DPYD: variants seen among roughly 807,000 people sequenced by gnomAD.
The protein encoded by DPYD is dihydropyrimidine dehydrogenase [NADP(+)].
A neutral mutation model predicts 116.2 loss-of-function variants in DPYD; 109 were observed. The ratio of observed to expected loss-of-function variants is 0.94; its 90% CI spans 0.80 to 1.10. The LOEUF (loss-of-function observed/expected upper bound fraction) is 1.10. DPYD is among the 50% of genes least tolerant of loss of function. DPYD has a pLI of 0.00. For missense variants in DPYD, 1,302 were observed against 1,254.5 expected (o/e 1.04, Z -0.57); for synonymous variants, 440 against 432.0 (o/e 1.02, Z -0.23).
intron 20 of DPYD, 84 bp downstream of exon 20, chr1:97,192,985 T>G: frequency 2.8e-4 from 410 of 1,474,022 alleles, no homozygotes; most frequent in Non-Finnish European, 3.6e-4. Flanking sequence ...CCTTTGTTAG[T>G]GAGAATGTGA....
intron 11 of DPYD, among the ~76,000 whole-genome samples, chr1:97,560,647 C>T (rs1652079967): frequency 6.6e-6 from 1 of 151,680 alleles, no homozygotes; most frequent in South Asian, 2.1e-4. Context: ...GAGACCCATC[C>T]TTGTGTGTTG....
At position 97,816,317 on chromosome 1, in the gene DPYD, C is replaced by A. The variant is rs143687785; in HGVS notation, c.233+11797G>T. 2.4e-3 allele frequency among the ~76,000 whole-genome samples: 358 copies of A among 151,664 alleles called. 2 individuals carry two copies. The highest frequency in any genetic ancestry group is 8.3e-3 in the African/African-American group (345 of 41,432). ...AAAAAGAAAATACAAAAACAAAAAA[C>A]CCTCTTTGTAGACTACAAGAAAAGT... On this transcript the variant is annotated intron_variant, in intron 3 of 22. Coordinates refer to ENST00000370192, the MANE Select transcript of DPYD (RefSeq NM_000110.4).
At chr1:97,240,127 TC>T in intron 18 of DPYD, among the ~76,000 whole-genome samples, 1 of 152,026 alleles carries the variant, frequency 6.6e-6, no homozygotes, top group South Asian at 2.1e-4. Context: ...ACATGTCCCC[TC>T]CTTTTTCTCT....
chr1:97,363,967 G>T (rs943859395), intron 16 of DPYD, among the ~76,000 whole-genome samples: 1 of 151,972 alleles, frequency 6.6e-6, no homozygotes, highest in Non-Finnish European at 1.5e-5. Context: ...AAATGATAAT[G>T]ACCTCTAGTT....
At chr1:97,461,034 T>C (rs1320424588) in intron 13 of DPYD, among the ~76,000 whole-genome samples, 1 of 145,070 alleles carries the variant, frequency 6.9e-6, no homozygotes, top group Non-Finnish European at 1.5e-5. Context: ...TGAAACTCCA[T>C]CTGAAAAAAA....
rs577354850 is a variant in DPYD at position 97,476,091 on chromosome 1, C to T, written c.1741-25868G>A. Among the ~76,000 whole-genome samples the T allele has an allele frequency of 2.6e-5, 4 of 152,160 alleles. 1 individual carries two copies. The highest frequency in any genetic ancestry group is 5.9e-5 in the Non-Finnish European group (4 of 68,022). ...GTTTCCCTAAACTGACAGACTACATCAATCAGTCCCTTTCCTAGTGACCAT... is the reference window on the plus strand; with the variant it reads ...GTTTCCCTAAACTGACAGACTACATTAATCAGTCCCTTTCCTAGTGACCAT... On this transcript the variant is annotated intron_variant, in intron 13 of 22. Transcript: ENST00000370192.
chr1:97,168,136 G>A (rs189686755), intron 20 of DPYD, among the ~76,000 whole-genome samples: 37 of 152,152 alleles, frequency 2.4e-4, no homozygotes, highest in African/African-American at 8.2e-4. Flanking sequence ...TTTTTTAAGC[G>A]TGATATTCTC....
chr1:97,636,256 T>C (rs1004359844), intron 8 of DPYD, among the ~76,000 whole-genome samples: 2 of 152,288 alleles, frequency 1.3e-5, no homozygotes, highest in African/African-American at 4.8e-5. Context: ...AATATCAAAG[T>C]AATAATACCA....
intron 12 of DPYD, 83 bp downstream of exon 12, chr1:97,549,477 T>C (rs531493351): frequency 7.0e-7 from 1 of 1,421,542 alleles, no homozygotes; most frequent in Non-Finnish European, 9.9e-7. Context: ...CAAATAGAAA[T>C]GCTCTTATAG....
intron 3 of DPYD, among the ~76,000 whole-genome samples, chr1:97,766,963 C>T (rs1020927218): frequency 2.5e-4 from 38 of 152,138 alleles, no homozygotes; most frequent in African/African-American, 9.2e-4. Context: ...AAAAGGGTAC[C>T]ATGTGAAAAA....
At chr1:97,210,643 C>T (rs1056546352) in intron 19 of DPYD, among the ~76,000 whole-genome samples, 1 of 152,138 alleles carries the variant, frequency 6.6e-6, no homozygotes, top group African/African-American at 2.4e-5. Flanking sequence ...CATTTATCTG[C>T]ATTGGCTTGT....
chr1:97,295,517 A>T (rs1250673047), intron 18 of DPYD: 2 of 151,716 alleles, frequency 1.3e-5, no homozygotes, highest in African/African-American at 4.9e-5. Context: ...TGCAGCATCG[A>T]CCTCCCAGAC....
chr1:97,193,323 T>C (rs1658518067), intron 19 of DPYD, 75 bp from the exon 20 acceptor site: 2 of 1,434,500 alleles, frequency 1.4e-6, no homozygotes, highest in African/African-American at 2.8e-5. Context: ...TTTCTTTGAG[T>C]CAACAAATAT....
chr1:97,307,004 T>C (rs1667213226), intron 16 of DPYD, among the ~76,000 whole-genome samples: 1 of 151,850 alleles, frequency 6.6e-6, no homozygotes, highest in South Asian at 2.1e-4. Flanking sequence ...GAAATAGACA[T>C]TTCCATGTGC....
At chr1:97,591,210 G>A (rs577233850) in intron 10 of DPYD, among the ~76,000 whole-genome samples, 1 of 152,240 alleles carries the variant, frequency 6.6e-6, no homozygotes, top group South Asian at 2.1e-4. Flanking sequence ...TGTTTAAAAT[G>A]GCAAACCCTG....
Position 97,921,017 on chromosome 1 carries a change from G to C in DPYD, c.-95C>G. The stretch of plus-strand genomic sequence containing the variant: ...CCAAGTGACAGCAGCCGGAGCGCGA[G>C]TCGAAAACAGGCAGACTAGGGCCGG... On this transcript the variant is annotated 5_prime_UTR_variant, in exon 1 of 23. Transcript: ENST00000370192. 2 of 1,490,216 alleles carry C rather than the reference G, an allele frequency of 1.3e-6. No individual in the cohort carries two copies. The highest frequency in any genetic ancestry group is 1.8e-6 in the Non-Finnish European group (2 of 1,094,458). The allele number at this position is 1,490,216 out of a possible 1,614,324, so 92.3% of individuals were successfully genotyped here.
chr1:97,771,384 TC>T (rs1666133592), intron 3 of DPYD, among the ~76,000 whole-genome samples: 1 of 152,226 alleles, frequency 6.6e-6, no homozygotes, highest in South Asian at 2.1e-4. Context: ...AAAAAATACT[TC>T]TGCCTTTTTA....
chr1:97,411,363 C>T (rs1673983994), intron 14 of DPYD, among the ~76,000 whole-genome samples: 1 of 151,962 alleles, frequency 6.6e-6, no homozygotes, highest in South Asian at 2.1e-4. Flanking sequence ...GCTCTCCTTC[C>T]TCCCACTTTA....
chr1:97,455,145 T>C (rs1557723831), intron 13 of DPYD, among the ~76,000 whole-genome samples: 1 of 151,772 alleles, frequency 6.6e-6, no homozygotes, highest in Non-Finnish European at 1.5e-5. Context: ...GAGGAGAAAT[T>C]GGAAATGGTA....
Sources: gnomAD v4.1 joint callset for allele counts (sites outside exome capture counted in the v4.1 genomes callset) on GRCh38, gnomAD v4.1.1 for gene constraint, MANE v1.5 for transcripts, NCBI Gene and HGNC (gene_info 2026-07-23, HGNC 2026-07-21) for gene names.